The following DCDC2 variants were observed in gnomAD, a reference collection of about 807,000 sequenced individuals.
The protein encoded by DCDC2 is doublecortin domain containing 2, also known as doublecortin domain-containing protein 2.
In DCDC2, 40 loss-of-function variants were observed where a neutral mutation model predicts 50.2. That is an observed-to-expected ratio of 0.80 (90% confidence interval 0.62 to 1.04). DCDC2 has a LOEUF of 1.04. Among genes scored for constraint, DCDC2 ranks in the 50% least tolerant of loss-of-function variants. The probability of loss-of-function intolerance (pLI) is 0.00; values close to 1 mark genes in which losing one functional copy is unlikely to be tolerated. For synonymous variants in DCDC2, 234 were observed against 210.6 expected (o/e 1.11, Z -0.96); for missense variants, 570 against 581.9 (o/e 0.98, Z 0.21).
At chr6:24,301,077 AG>A (rs1445140606) in intron 4 of DCDC2, among the ~76,000 whole-genome samples, 1 of 150,686 alleles carries the variant, frequency 6.6e-6, no homozygotes, top group African/African-American at 2.4e-5. Context: ...GACAATTAAG[AG>A]TTAAGAGGCT....
intron 7 of DCDC2, among the ~76,000 whole-genome samples, chr6:24,216,690 A>G (rs1282060224): frequency 6.6e-6 from 1 of 152,250 alleles, no homozygotes; most frequent in Admixed American, 6.5e-5. Flanking sequence ...TCAGCACCAT[A>G]AAGCTTTTGC....
intron 6 of DCDC2, among the ~76,000 whole-genome samples, chr6:24,285,921 GAATT>G (rs527757265): frequency 2.8e-4 from 42 of 152,114 alleles, no homozygotes; most frequent in South Asian, 1.2e-3. Context: ...TGCACTGTGA[GAATT>G]AATAAGCTAA....
intron 7 of DCDC2, among the ~76,000 whole-genome samples, chr6:24,263,475 A>T (rs1763054840): frequency 6.6e-6 from 1 of 152,194 alleles, no homozygotes; most frequent in South Asian, 2.1e-4. Context: ...GAGCAAGCCC[A>T]ATGAAATTCA....
At chr6:24,363,596 T>G in the DCDC2 span, among the ~76,000 whole-genome samples, 8 of 152,362 alleles carry the variant, frequency 5.3e-5, no homozygotes, top group East Asian at 1.5e-3. Context: ...ATATTTCTGC[T>G]TAAGCAATAT....
chr6:24,216,473 A>C (rs1761978740), intron 7 of DCDC2, among the ~76,000 whole-genome samples: 1 of 152,192 alleles, frequency 6.6e-6, no homozygotes, highest in African/African-American at 2.4e-5. Context: ...CAGTATGAAA[A>C]TCAGATTACA....
intron 7 of DCDC2, among the ~76,000 whole-genome samples, chr6:24,238,891 G>A (rs954966351): frequency 3.3e-5 from 5 of 152,182 alleles, no homozygotes; most frequent in Middle Eastern, 6.3e-3. Flanking sequence ...GGGCTGTCCT[G>A]TGAGAACATG....
At chr6:24,288,486 T>G (rs888061560) in intron 6 of DCDC2, among the ~76,000 whole-genome samples, 10 of 152,230 alleles carry the variant, frequency 6.6e-5, no homozygotes, top group Admixed American at 4.6e-4. Flanking sequence ...ATTATACCCC[T>G]TTTCTCAGCG....
chr6:24,374,059 G>C, the DCDC2 span, among the ~76,000 whole-genome samples: 1 of 151,974 alleles, frequency 6.6e-6, no homozygotes, highest in Non-Finnish European at 1.5e-5. Flanking sequence ...CTACTCGGGA[G>C]GCTGAGGCGG....
rs1760857237 is a variant in DCDC2 at position 24,174,541 on chromosome 6, G to GT, written c.*188dup. The GT allele has an allele frequency of 2.3e-6, 1 of 435,564 alleles. No homozygotes were observed. The highest frequency in any genetic ancestry group is 3.6e-5 in the Admixed American group (1 of 27,412). The allele number at this position is 435,564 out of a possible 1,614,324, so 27.0% of individuals were successfully genotyped here. A position where few individuals can be genotyped will look rare whatever the true frequency, so the allele number is the denominator to read the frequency against. ...GACTTTTAAAACACATGCAATAAAA[G>GT]TAAGTAATTATCCTTTAGTAGCCAT... On this transcript the variant is annotated 3_prime_UTR_variant, in exon 10 of 10. Transcript: ENST00000378454.
At chr6:24,315,099 T>C (rs1388047735) in intron 2 of DCDC2, among the ~76,000 whole-genome samples, 1 of 152,036 alleles carries the variant, frequency 6.6e-6, no homozygotes, top group Non-Finnish European at 1.5e-5. Context: ...GATATACTAG[T>C]GGAATACACT....
intron 2 of DCDC2, among the ~76,000 whole-genome samples, chr6:24,333,314 A>T (rs1760000235): frequency 6.6e-6 from 1 of 152,150 alleles, no homozygotes; most frequent in South Asian, 2.1e-4. Flanking sequence ...AAGGTCAGAG[A>T]AAAGAGAGCA....
chr6:24,372,343 CGGG>C, the DCDC2 span, among the ~76,000 whole-genome samples: 1 of 151,712 alleles, frequency 6.6e-6, no homozygotes, highest in African/African-American at 2.4e-5. Context: ...GGCGTGAACC[CGGG>C]AGGCGGAGCT....
rs571986675 is a variant in DCDC2 at position 24,173,733 on chromosome 6, T to C, written c.*997A>G. ...TAGGAAAAATAAATATTTGCTGATATCCCTAGGGCAAAAACATAGTAAAAC... is the reference window on the plus strand; with the variant it reads ...TAGGAAAAATAAATATTTGCTGATACCCCTAGGGCAAAAACATAGTAAAAC... On this transcript the variant is annotated 3_prime_UTR_variant, in exon 10 of 10. Transcript: ENST00000378454. 3 of 152,118 alleles carry C rather than the reference T, an allele frequency of 2.0e-5. No individual in the cohort carries two copies. Among genetic ancestry groups the C allele is most frequent in the Non-Finnish European group, 4.4e-5 (3 of 68,016 alleles). The allele number at this position is 152,118 out of a possible 1,614,324, so 9.4% of individuals were successfully genotyped here. A position where few individuals can be genotyped will look rare whatever the true frequency, so the allele number is the denominator to read the frequency against.
At chr6:24,328,031 ACTTT>A (rs1020539407) in intron 2 of DCDC2, among the ~76,000 whole-genome samples, 2 of 152,234 alleles carry the variant, frequency 1.3e-5, no homozygotes, top group Admixed American at 1.3e-4. Flanking sequence ...AAATACAGAC[ACTTT>A]CTAAGTGAAG....
chr6:24,357,313 G>A (rs532197104), intron 1 of DCDC2, 145 bp downstream of exon 1: 2 of 943,658 alleles, frequency 2.1e-6, no homozygotes, highest in Non-Finnish European at 3.0e-6. Flanking sequence ...CAACTGCAAC[G>A]AGAGTTTTGA....
intron 7 of DCDC2, among the ~76,000 whole-genome samples, chr6:24,272,389 C>T (rs1257751596): frequency 6.6e-6 from 1 of 152,112 alleles, no homozygotes; most frequent in East Asian, 1.9e-4. Context: ...TGTATAAAAT[C>T]TGACCCATAT....
chr6:24,302,988 T>C (rs1042026257), intron 2 of DCDC2, among the ~76,000 whole-genome samples: 5 of 152,022 alleles, frequency 3.3e-5, no homozygotes, highest in African/African-American at 1.2e-4. Flanking sequence ...TCACCTCATC[T>C]AGATCCTCAC....
At chr6:24,348,300 G>A (rs960991812) in intron 2 of DCDC2, among the ~76,000 whole-genome samples, 1 of 152,124 alleles carries the variant, frequency 6.6e-6, no homozygotes, top group South Asian at 2.1e-4. Context: ...AAGAATCAGG[G>A]ATTAACCAGG....
chr6:24,186,298 T>C (rs765754523), intron 8 of DCDC2, among the ~76,000 whole-genome samples: 6 of 152,236 alleles, frequency 3.9e-5, no homozygotes, highest in Non-Finnish European at 7.3e-5. Context: ...TTGTGCTTCT[T>C]AGAGCACTTT....
Sources: gnomAD v4.1 joint callset for allele counts (sites outside exome capture counted in the v4.1 genomes callset) on GRCh38, gnomAD v4.1.1 for gene constraint, MANE v1.5 for transcripts, NCBI Gene and HGNC (gene_info 2026-07-23, HGNC 2026-07-21) for gene names.